The following DDX47 variants were observed in gnomAD, a reference collection of about 807,000 sequenced individuals.
DDX47 encodes DEAD-box helicase 47, also known as probable ATP-dependent RNA helicase DDX47.
In DDX47, 60 loss-of-function variants were observed where a neutral mutation model predicts 58.8. The ratio of observed to expected loss-of-function variants is 1.02; its 90% CI spans 0.83 to 1.26. The LOEUF (loss-of-function observed/expected upper bound fraction) is 1.26, where lower values mean the gene tolerates loss of function less well. Ranked by LOEUF, DDX47 falls within the 50% of genes most tolerant of loss-of-function variation. DDX47 has a pLI of 0.00. For synonymous variants in DDX47, 197 were observed against 204.6 expected (o/e 0.96, Z 0.32); for missense variants, 530 against 573.2 (o/e 0.92, Z 0.77).
At chr12:12,817,450 T>C (rs1210045462) in intron 2 of DDX47, among the ~76,000 whole-genome samples, 3 of 152,206 alleles carry the variant, frequency 2.0e-5, no homozygotes, top group Non-Finnish European at 2.9e-5. Context: ...TGGTGGTTCA[T>C]GCTTGTAATC....
At position 12,827,387 on chromosome 12, in the gene DDX47, T is replaced by C. The variant is rs1182761561; in HGVS notation, c.1236+12T>C. On this transcript the variant is annotated intron_variant, in intron 11 of 11. Coordinates refer to ENST00000358007, the MANE Select transcript of DDX47 (RefSeq NM_016355.4). ...GGTTTGCCCGAATGGTATGCATCTT[T>C]CTTTTCTCACCAGTGTCTGTGCAAA... is the stretch of plus-strand genomic sequence containing the variant. 3.7e-6 allele frequency: 6 copies of C among 1,613,826 alleles called. No homozygotes were observed. Among genetic ancestry groups the C allele is most frequent in the Non-Finnish European group, 3.4e-6 (4 of 1,179,890 alleles).
At position 12,829,586 on chromosome 12, in the gene DDX47, C is replaced by T. The variant is rs139645117; in HGVS notation, c.*32C>T. 267 of 1,604,986 alleles carry T rather than the reference C, an allele frequency of 1.7e-4. No individual in the cohort carries two copies. The African/African-American group carries it at 3.2e-3, about 19-fold the overall frequency. Reference sequence around the variant, plus strand: ...TTATGAAGGCTCGAGTTCTGCTGTTCTGTAAAAGAGAATTGGAGAATGAAA... The same window carrying T: ...TTATGAAGGCTCGAGTTCTGCTGTTTTGTAAAAGAGAATTGGAGAATGAAA... On this transcript the variant is annotated 3_prime_UTR_variant, in exon 12 of 12. Coordinates refer to ENST00000358007, the MANE Select transcript of DDX47 (RefSeq NM_016355.4).
At chr12:12,817,354 A>C (rs1207227758) in intron 2 of DDX47, among the ~76,000 whole-genome samples, 1 of 152,206 alleles carries the variant, frequency 6.6e-6, no homozygotes, top group Non-Finnish European at 1.5e-5. Context: ...ATTTGAACAT[A>C]GAATCTTATA....
chr12:12,824,626 C>T lies in DDX47; in HGVS notation c.984C>T (p.Asp328=). 1 of 1,614,230 alleles carries T rather than the reference C, an allele frequency of 6.2e-7. No individual in the cohort carries two copies. Among genetic ancestry groups the T allele is most frequent in the Non-Finnish European group, 8.5e-7 (1 of 1,180,036 alleles). ...LATDVASRGL[D]IPHVDVVVNF... ...CTGACGTTGCCAGCCGAGGTTTGGA[C>T]ATACCTCATGTAGATGTGGTTGTCA... Residue 328 remains aspartate, a synonymous_variant, in exon 9 of 12, where the codon GAC becomes GAT. Transcript: ENST00000358007.
chr12:12,829,723 T>A lies in DDX47; in HGVS notation c.*169T>A. On this transcript the variant is annotated 3_prime_UTR_variant, in exon 12 of 12. Transcript: ENST00000358007. ...GGGTTGGAGTTTACTGCAGAGTAAT[T>A]CTTACAGTGCTGATGTCAAGACTGT... is the stretch of plus-strand genomic sequence containing the variant. The A allele has an allele frequency of 1.3e-6, 1 of 749,388 alleles. No individual in the cohort carries two copies. Among genetic ancestry groups the A allele is most frequent in the Non-Finnish European group, 2.1e-6 (1 of 480,574 alleles). 46.4% of individuals were successfully genotyped at this position (749,388 alleles called of 1,614,324 possible).
At position 12,829,611 on chromosome 12, in the gene DDX47, A is replaced by G; in HGVS notation, c.*57A>G. 3 of 1,583,978 alleles carry G rather than the reference A, an allele frequency of 1.9e-6. No individual in the cohort carries two copies. Among genetic ancestry groups the G allele is most frequent in the Non-Finnish European group, 2.6e-6 (3 of 1,163,824 alleles). ...CTGTAAAAGAGAATTGGAGAATGAAACCTGCTCCAACAGAGATCATGAGAC... is the reference window on the plus strand; with the variant it reads ...CTGTAAAAGAGAATTGGAGAATGAAGCCTGCTCCAACAGAGATCATGAGAC... On this transcript the variant is annotated 3_prime_UTR_variant, in exon 12 of 12. Coordinates refer to ENST00000358007, the MANE Select transcript of DDX47 (RefSeq NM_016355.4).
Position 12,821,189 on chromosome 12 carries a change from G to T in DDX47, c.182-19G>T. On this transcript the variant is annotated intron_variant, in intron 2 of 11. Coordinates refer to ENST00000358007, the MANE Select transcript of DDX47 (RefSeq NM_016355.4). ...AGCGCAAAGAGATTACTTGGCTGTT[G>T]AATTTCTTTTTCTTTTAGGTCGTGA... 6.2e-7 allele frequency: 1 copy of T among 1,613,062 alleles called. No individual in the cohort carries two copies. Among genetic ancestry groups the T allele is most frequent in the African/African-American group, 1.3e-5 (1 of 74,910 alleles).
rs1213793753 is a variant in DDX47, at chr12:12,821,361, T to C, written c.335T>C (p.Phe112Ser). 5.0e-6 allele frequency: 8 copies of C among 1,614,074 alleles called. No individual in the cohort carries two copies. Among genetic ancestry groups the C allele is most frequent in the Non-Finnish European group, 6.8e-6 (8 of 1,180,032 alleles). ...CTGGCCTTTCAGATCTCAGAGCAGT[T>C]TGAAGCCCTGGGGTCCTCTATTGGA... ...RELAFQISEQ[F>S]EALGSSIGVQ... The change falls in exon 3 of 12, where the codon TTT becomes TCT. Residue 112 changes from phenylalanine to serine, a missense_variant. Transcript: ENST00000358007.
intron 2 of DDX47, among the ~76,000 whole-genome samples, chr12:12,817,402 T>C (rs1862912096): frequency 6.6e-6 from 1 of 152,154 alleles, no homozygotes; most frequent in South Asian, 2.1e-4. Flanking sequence ...GCATCAAAGT[T>C]TGTTACTATC....
chr12:12,829,423 G>C lies in DDX47; in HGVS notation c.1237G>C (p.Glu413Gln), dbSNP rs373828821. The change falls in exon 12 of 12, where the codon GAG becomes CAG. Residue 413 changes from glutamate (E) to glutamine (Q), a missense_variant and splice_region_variant. Physicochemically the swap from Glu to Gln is conservative, Grantham distance 29. Transcript: ENST00000358007. ...VAEAQRFARMELREHGEKKKR... is the reference protein window; with the variant it reads ...VAEAQRFARMQLREHGEKKKR... ...CCCATCCTCTCTTTTTTTCTTGCAG[G>C]AGTTAAGGGAGCATGGAGAAAAGAA... The C allele has an allele frequency of 6.4e-5, 102 of 1,597,156 alleles. No individual in the cohort carries two copies. In the Admixed American group the frequency reaches 7.2e-4, roughly 11 times the overall value.
intron 2 of DDX47, chr12:12,820,269 A>T (rs1166523062): frequency 6.6e-6 from 1 of 152,246 alleles, no homozygotes; most frequent in Non-Finnish European, 1.5e-5. Flanking sequence ...CCTCAGAAGG[A>T]GCAGTAACTG....
intron 1 of DDX47, 122 bp downstream of exon 1, chr12:12,813,576 C>T (rs1054066152): frequency 3.2e-6 from 3 of 946,320 alleles, no homozygotes; most frequent in Admixed American, 4.7e-5. Context: ...CTTGGGTTTT[C>T]CCCAGAATTT....
Position 12,821,727 on chromosome 12 carries a change from G to A in DDX47, c.442+1G>A. 1 of 1,605,594 alleles carries A rather than the reference G, an allele frequency of 6.2e-7. No individual in the cohort carries two copies. The highest frequency in any genetic ancestry group is 1.1e-5 in the South Asian group (1 of 90,916). On this transcript the variant is annotated splice_donor_variant, in intron 4 of 11. Transcript: ENST00000358007. LOFTEE classifies it high-confidence loss of function. ...GCAAAAAAACCACATATAATAATAG[G>A]TGAGTAACTGACAAAGGTAAAAGAC...
Position 12,827,243 on chromosome 12 carries a change from C to G in DDX47, c.1107-3C>G. On this transcript the variant is annotated splice_region_variant and splice_polypyrimidine_tract_variant and intron_variant, in intron 10 of 11. Transcript: ENST00000358007. ...CCAGAGCTGTGCAGTTTTCCTTCCT[C>G]AGGTATGATGTGGAACTCTTCCAGC... 6.2e-7 allele frequency: 1 copy of G among 1,612,854 alleles called. No individual in the cohort carries two copies. Among genetic ancestry groups the G allele is most frequent in the South Asian group, 1.1e-5 (1 of 90,700 alleles).
chr12:12,828,892 G>T (rs1206861707), intron 11 of DDX47, among the ~76,000 whole-genome samples: 1 of 152,164 alleles, frequency 6.6e-6, no homozygotes, highest in Non-Finnish European at 1.5e-5. Flanking sequence ...TGGCTACAAA[G>T]AATTCCATCA....
intron 11 of DDX47, 110 bp downstream of exon 11, chr12:12,827,485 C>A: frequency 1.5e-6 from 2 of 1,314,878 alleles, no homozygotes; most frequent in Non-Finnish European, 2.1e-6. Context: ...TTATTTTATT[C>A]CAAATTTAAG....
At position 12,813,470 on chromosome 12, in the gene DDX47, G is replaced by T. The variant is rs760348774; in HGVS notation, c.87+16G>T. On this transcript the variant is annotated intron_variant, in intron 1 of 11. Coordinates refer to ENST00000358007, the MANE Select transcript of DDX47 (RefSeq NM_016355.4). ...TAAAGACCTGGTGAGAATGGATGAC[G>T]CTGGCTTCTTTTATGTACTCTGGTG... 1.8e-5 allele frequency: 29 copies of T among 1,595,594 alleles called. No individual in the cohort carries two copies. The highest frequency in any genetic ancestry group is 4.0e-5 in the African/African-American group (3 of 74,320).
chr12:12,819,924 C>G (rs912606646), intron 2 of DDX47, among the ~76,000 whole-genome samples: 1 of 152,220 alleles, frequency 6.6e-6, no homozygotes, highest in African/African-American at 2.4e-5. Context: ...TTTGTTTTCC[C>G]TGTTCTGGTC....
In DDX47 at chr12:12,822,668, A is replaced by AAGTG; in HGVS notation, c.569_570insAGTG (p.Ile191ValfsTer42). On this transcript the variant is annotated frameshift_variant, in exon 6 of 12. Coordinates refer to ENST00000358007, the MANE Select transcript of DDX47 (RefSeq NM_016355.4). LOFTEE classifies it high-confidence loss of function. ...TTCCTCTTTGTGCTTTAGGTTGACA[A>AAGTG]GATCCTCAAAGTGATTCCTCGAGAT... is the stretch of plus-strand genomic sequence containing the variant. The AAGTG allele has an allele frequency of 6.2e-7, 1 of 1,613,944 alleles. No homozygotes were observed. The highest frequency in any genetic ancestry group is 8.5e-7 in the Non-Finnish European group (1 of 1,179,892).
Sources: gnomAD v4.1 joint callset for allele counts (sites outside exome capture counted in the v4.1 genomes callset) on GRCh38, gnomAD v4.1.1 for gene constraint, MANE v1.5 for transcripts, NCBI Gene and HGNC (gene_info 2026-07-23, HGNC 2026-07-21) for gene names.